The following CEACAM18 variants were observed in gnomAD, a reference collection of about 807,000 sequenced individuals.
CEACAM18 encodes the protein cell adhesion molecule CEACAM18.
In CEACAM18, 33 loss-of-function variants were observed where a neutral mutation model predicts 34.3. The observed-to-expected ratio is 0.96, with a 90% CI of 0.73 to 1.29. The LOEUF (loss-of-function observed/expected upper bound fraction) is 1.29, where lower values mean the gene tolerates loss of function less well. Ranked by LOEUF, CEACAM18 falls within the 50% of genes most tolerant of loss-of-function variation. The pLI is 0.00. For missense variants in CEACAM18, 474 were observed against 485.0 expected (o/e 0.98, Z 0.21); for synonymous variants, 169 against 180.9 (o/e 0.93, Z 0.53).
At chr19:51,483,255 G>A in exon 4 of CEACAM18, 7 of 1,614,042 alleles carry the variant, frequency 4.3e-6, no homozygotes, top group Non-Finnish European at 5.9e-6. Flanking sequence ...CCGTGACACA[G>A]CTGATCATGT....
intron 1 of CEACAM18, among the ~76,000 whole-genome samples, chr19:51,479,142 C>A (rs898481506): frequency 2.6e-5 from 4 of 152,068 alleles, no homozygotes; most frequent in African/African-American, 9.7e-5. Flanking sequence ...CTCACCTTTG[C>A]CCAGGACCTT....
In CEACAM18 at chr19:51,480,688, A is replaced by G; in HGVS notation, c.400+8A>G. 2 of 1,604,910 alleles carry G rather than the reference A, an allele frequency of 1.2e-6. No individual in the cohort carries two copies. The highest frequency in any genetic ancestry group is 1.7e-4 in the Middle Eastern group (1 of 5,912). On this transcript the variant is annotated splice_region_variant and intron_variant, in intron 2 of 5. Coordinates refer to ENST00000396477, the Ensembl canonical transcript of CEACAM18. ...GCTGGCTGGAGGTTCTAGGTGGGTT[A>G]GCAGGTGCTGTGTTTCCCAACCCCC...
intron 1 of CEACAM18, among the ~76,000 whole-genome samples, 196 bp downstream of exon 1, chr19:51,478,890 G>T (rs1403920538): frequency 2.6e-5 from 4 of 151,720 alleles, no homozygotes; most frequent in Admixed American, 1.3e-4. Context: ...GGCACACTTT[G>T]CCCCTAGACA....
downstream of CEACAM18, chr19:51,491,276 A>G (rs1990092448): frequency 1.1e-5 from 2 of 179,120 alleles, no homozygotes; most frequent in South Asian, 2.8e-4. Context: ...AATATTCAAT[A>G]CATTATTCTG....
At chr19:51,483,647 C>T (rs1989955719) in intron 4 of CEACAM18, among the ~76,000 whole-genome samples, 2 of 152,192 alleles carry the variant, frequency 1.3e-5, no homozygotes, top group Non-Finnish European at 2.9e-5. Context: ...AGAAACTGAG[C>T]CCCATGGAGT....
At chr19:51,481,726 G>A in intron 3 of CEACAM18, 61 bp downstream of exon 3, 2 of 1,536,216 alleles carry the variant, frequency 1.3e-6, no homozygotes, top group South Asian at 2.5e-5. Context: ...TCTAGGGATA[G>A]GAATATGTTA....
intron 5 of CEACAM18, among the ~76,000 whole-genome samples, chr19:51,489,457 A>G (rs1488779498): frequency 6.6e-6 from 1 of 152,088 alleles, no homozygotes; most frequent in Non-Finnish European, 1.5e-5. Flanking sequence ...CAAAAGGCAC[A>G]GGAGTGGCAT....
chr19:51,478,621 C>T, upstream of CEACAM18: 1 of 1,574,360 alleles, frequency 6.4e-7, no homozygotes, highest in South Asian at 1.2e-5. Context: ...GACCCCTCCT[C>T]CTGGAGGACC....
intron 2 of CEACAM18, 122 bp from the exon 3 acceptor site, chr19:51,481,271 G>T: frequency 9.4e-7 from 1 of 1,068,578 alleles, no homozygotes. Flanking sequence ...TTGCCAGGAT[G>T]CCAGATCTTA....
chr19:51,480,445 T>C, exon 2 of CEACAM18: 2 of 1,613,626 alleles, frequency 1.2e-6, no homozygotes, highest in Admixed American at 1.7e-5. Context: ...TCCCTGAGGA[T>C]GTTCAGGAAT....
chr19:51,480,458 A>G lies in CEACAM18; in HGVS notation c.178A>G (p.Ser60Gly), dbSNP rs997080006. The change falls in exon 2 of 6, where the codon AGC becomes GGC. Residue 60 changes from serine to glycine, a missense_variant. By Grantham distance (56) the Ser-to-Gly change is moderately conservative. Coordinates refer to ENST00000396477, the Ensembl canonical transcript of CEACAM18. ...GGTCCCTGAGGATGTTCAGGAATACAGCTGGTACTGGGGTGCAAACGACAG... is the reference window on the plus strand; with the variant it reads ...GGTCCCTGAGGATGTTCAGGAATACGGCTGGTACTGGGGTGCAAACGACAG... 3.1e-6 allele frequency: 5 copies of G among 1,613,674 alleles called. No homozygotes were observed. In the Admixed American group the frequency reaches 5.0e-5, roughly 16 times the overall value.
Position 51,484,974 on chromosome 19 carries a change from C to T in CEACAM18, c.954-13C>T, listed in dbSNP as rs1265857923. On this transcript the variant is annotated splice_polypyrimidine_tract_variant and intron_variant, in intron 4 of 5. Transcript: ENST00000396477. ...AATCGTGGTCCTGACCCCCAGGTGT[C>T]CTCTTCCTTCAGGGATCTTACCTGT... is the stretch of plus-strand genomic sequence containing the variant. 6.5e-7 allele frequency: 1 copy of T among 1,536,044 alleles called. No homozygotes were observed. Among genetic ancestry groups the T allele is most frequent in the South Asian group, 1.2e-5 (1 of 84,042 alleles).
exon 2 of CEACAM18, chr19:51,480,355 C>T (rs750941380): frequency 6.2e-7 from 1 of 1,610,156 alleles, no homozygotes; most frequent in South Asian, 1.1e-5. Flanking sequence ...CCTGTGGGAT[C>T]TGCCAGGCCT....
intron 5 of CEACAM18, among the ~76,000 whole-genome samples, chr19:51,485,408 A>G (rs1989982327): frequency 6.6e-6 from 1 of 152,234 alleles, no homozygotes; most frequent in Non-Finnish European, 1.5e-5. Flanking sequence ...CTAGAGGGAC[A>G]GGTAAAAAAA....
At chr19:51,483,996 G>A (rs1989961305) in intron 4 of CEACAM18, among the ~76,000 whole-genome samples, 1 of 152,194 alleles carries the variant, frequency 6.6e-6, no homozygotes, top group Non-Finnish European at 1.5e-5. Flanking sequence ...AAGGTTCTTG[G>A]TCCAAATCCC....
intron 5 of CEACAM18, among the ~76,000 whole-genome samples, chr19:51,486,295 A>G (rs757655506): frequency 1.6e-4 from 25 of 152,134 alleles, no homozygotes; most frequent in Admixed American, 3.3e-4. Flanking sequence ...TGATGACGGT[A>G]GCAAATGCAG....
chr19:51,481,748 G>GTTTTTTA, intron 3 of CEACAM18, 83 bp downstream of exon 3: 1 of 1,423,944 alleles, frequency 7.0e-7, no homozygotes, highest in Non-Finnish European at 9.4e-7. Flanking sequence ...GACAGGCTGA[G>GTTTTTTA]CTGGAGAGAG....
At chr19:51,481,841 G>T (rs1439616483) in intron 3 of CEACAM18, among the ~76,000 whole-genome samples, 176 bp downstream of exon 3, 4 of 152,144 alleles carry the variant, frequency 2.6e-5, no homozygotes. Flanking sequence ...CTTGGGAGCT[G>T]CCCCTGCTAC....
exon 2 of CEACAM18, chr19:51,480,344 G>A: frequency 6.2e-7 from 1 of 1,607,874 alleles, no homozygotes; most frequent in Non-Finnish European, 8.5e-7. Context: ...CAGTCTGCTG[G>A]CCTGTGGGAT....
Sources: allele counts gnomAD v4.1 joint callset (sites outside exome capture counted in the v4.1 genomes callset), GRCh38; gene constraint gnomAD v4.1.1; transcripts MANE v1.5; gene names NCBI Gene and HGNC (gene_info 2026-07-23, HGNC 2026-07-21).